Variants in ABTB2 observed in about 807,000 individuals in gnomAD.
The protein encoded by ABTB2 is ankyrin repeat and BTB domain containing 2, also known as ankyrin repeat and BTB/POZ domain-containing protein 2.
In ABTB2, 56 loss-of-function variants were observed where a neutral mutation model predicts 104.1. The ratio of observed to expected loss-of-function variants is 0.54; its 90% CI spans 0.43 to 0.67. The LOEUF (loss-of-function observed/expected upper bound fraction) is 0.67. ABTB2 is among the 30% of genes least tolerant of loss of function. The pLI is 0.00. For synonymous variants in ABTB2, 606 were observed against 608.2 expected (o/e 1.00, Z 0.05); for missense variants, 1,279 against 1,407.7 (o/e 0.91, Z 1.46).
chr11:34,225,723 C>G (rs1370107336), intron 1 of ABTB2, among the ~76,000 whole-genome samples: 1 of 151,988 alleles, frequency 6.6e-6, no homozygotes, highest in Non-Finnish European at 1.5e-5. Flanking sequence ...CCATTGCACT[C>G]TAGCCTGGGT....
intron 1 of ABTB2, among the ~76,000 whole-genome samples, chr11:34,214,532 CTTTTTTTTT>C (rs5790978): frequency 0.055 from 6,813 of 123,218 alleles, 566 homozygotes; most frequent in African/African-American, 0.18. Flanking sequence ...AAAAATACCA[CTTTTTTTTT>C]TTTTTTTTTT....
At position 34,357,265 on chromosome 11, in the gene ABTB2, C is replaced by G. The variant is rs1399405581; in HGVS notation, c.319G>C (p.Val107Leu). 4.7e-6 allele frequency: 7 copies of G among 1,496,454 alleles called. No homozygotes were observed. Among genetic ancestry groups the G allele is most frequent in the African/African-American group, 4.3e-5 (3 of 70,254 alleles). The allele number at this position is 1,496,454 out of a possible 1,614,324, so 92.7% of individuals were successfully genotyped here. The change falls in exon 1 of 17, where the codon GTG (valine) becomes CTG (leucine). Residue 107 changes from valine (V) to leucine (L), a missense_variant. Transcript: ENST00000435224. The part of the protein sequence containing the change: ...FPWTEGDVAR[V>L]LRKGAGGRRL... The stretch of plus-strand genomic sequence containing the variant: ...CGGCCGCCAGCGCCTTTGCGGAGCA[C>G]CCGGGCCACGTCTCCTTCGGTCCAG...
intron 1 of ABTB2, among the ~76,000 whole-genome samples, chr11:34,247,834 T>C (rs1259647849): frequency 6.6e-6 from 1 of 152,142 alleles, no homozygotes; most frequent in East Asian, 1.9e-4. Context: ...AACAACTCTA[T>C]GAGAAAAGTA....
At chr11:34,196,787 G>A (rs762161244) in intron 3 of ABTB2, among the ~76,000 whole-genome samples, 26 of 152,246 alleles carry the variant, frequency 1.7e-4, no homozygotes, top group Non-Finnish European at 2.8e-4. Context: ...TCAGAGAGCT[G>A]CCAGGGCCAG....
rs536923761 is a variant in ABTB2 at position 34,270,127 on chromosome 11, C to T, written c.884-65437G>A. On this transcript the variant is annotated intron_variant, in intron 1 of 16. Transcript: ENST00000435224. ...AACGATCCAAGTCAGCATGTAGTTC[C>T]CCCAATGGCTCTTTCAGAAATCCTG... is the stretch of plus-strand genomic sequence containing the variant. 2.1e-3 allele frequency among the ~76,000 whole-genome samples: 324 copies of T among 152,244 alleles called. 3 individuals carry two copies. The highest frequency in any genetic ancestry group is 2.5e-3 in the Non-Finnish European group (170 of 68,016).
At chr11:34,239,763 T>C (rs995720087) in intron 1 of ABTB2, among the ~76,000 whole-genome samples, 1 of 152,128 alleles carries the variant, frequency 6.6e-6, no homozygotes, top group South Asian at 2.1e-4. Context: ...TTGACAAGAA[T>C]CTACAGGGAA....
chr11:34,158,712 T>C (rs1852666317), intron 14 of ABTB2, among the ~76,000 whole-genome samples: 1 of 152,266 alleles, frequency 6.6e-6, no homozygotes, highest in Admixed American at 6.5e-5. Flanking sequence ...CTGGAGTTTC[T>C]AGTATGTAAC....
At chr11:34,314,815 A>G (rs1854904845) in intron 1 of ABTB2, among the ~76,000 whole-genome samples, 1 of 152,210 alleles carries the variant, frequency 6.6e-6, no homozygotes, top group South Asian at 2.1e-4. Flanking sequence ...CTGATCATTA[A>G]GCCAAGTGTG....
intron 1 of ABTB2, among the ~76,000 whole-genome samples, chr11:34,216,189 G>A (rs1194781065): frequency 6.6e-6 from 1 of 152,178 alleles, no homozygotes; most frequent in Non-Finnish European, 1.5e-5. Context: ...GTCAGCACAA[G>A]GAATCCAAAC....
In ABTB2 at chr11:34,204,573, GC is replaced by G; in HGVS notation, c.1000del (p.Ala334ProfsTer10). On this transcript the variant is annotated frameshift_variant, in exon 2 of 17. Transcript: ENST00000435224. LOFTEE classifies it high-confidence loss of function. ...CTCCGAGATGCTGCCCACGCAGGTGGCCAGGAGGGACTGCTCCAGGGTTCGG... is the reference window on the plus strand; with the variant it reads ...CTCCGAGATGCTGCCCACGCAGGTGGCAGGAGGGACTGCTCCAGGGTTCGG... The part of the protein sequence containing the change: ...ELRTLEQSLL[A>X]TCVGSISELS... The G allele has an allele frequency of 6.2e-7, 1 of 1,613,170 alleles. No homozygotes were observed. Among genetic ancestry groups the G allele is most frequent in the South Asian group, 1.1e-5 (1 of 91,048 alleles).
At chr11:34,178,780 T>C (rs1200116963) in intron 3 of ABTB2, among the ~76,000 whole-genome samples, 1 of 152,080 alleles carries the variant, frequency 6.6e-6, no homozygotes. Context: ...ACTCTATATA[T>C]ACTCTTAAAA....
chr11:34,339,380 G>T (rs184270512), intron 1 of ABTB2, among the ~76,000 whole-genome samples: 1 of 152,226 alleles, frequency 6.6e-6, no homozygotes, highest in Admixed American at 6.5e-5. Flanking sequence ...TCCTTCTGAG[G>T]CCTGAGGGGC....
At chr11:34,332,659 A>G (rs964928030) in intron 1 of ABTB2, among the ~76,000 whole-genome samples, 1 of 152,098 alleles carries the variant, frequency 6.6e-6, no homozygotes, top group African/African-American at 2.4e-5. Flanking sequence ...CCCCGAGCCC[A>G]GGGGAGTTGG....
intron 1 of ABTB2, among the ~76,000 whole-genome samples, chr11:34,270,941 T>C (rs1481893842): frequency 1.3e-5 from 2 of 152,252 alleles, no homozygotes; most frequent in East Asian, 3.8e-4. Flanking sequence ...TTTAGGCAGC[T>C]GATACCTTGT....
intron 1 of ABTB2, among the ~76,000 whole-genome samples, chr11:34,327,593 G>A (rs1855085785): frequency 6.6e-6 from 1 of 152,154 alleles, no homozygotes; most frequent in Non-Finnish European, 1.5e-5. Flanking sequence ...GTTGGAAAAA[G>A]TCATCCTCAG....
At chr11:34,273,327 A>G (rs1343031086) in intron 1 of ABTB2, among the ~76,000 whole-genome samples, 2 of 152,102 alleles carry the variant, frequency 1.3e-5, no homozygotes, top group African/African-American at 4.8e-5. Context: ...TACAATTTTG[A>G]GAGAAAACTC....
intron 1 of ABTB2, among the ~76,000 whole-genome samples, chr11:34,285,240 GT>G (rs957979435): frequency 3.3e-5 from 5 of 152,242 alleles, no homozygotes; most frequent in Admixed American, 3.3e-4. Context: ...GGGAGGGGAG[GT>G]TTCCCCGAGG....
At chr11:34,284,470 G>C (rs1049937418) in intron 1 of ABTB2, among the ~76,000 whole-genome samples, 1 of 152,214 alleles carries the variant, frequency 6.6e-6, no homozygotes, top group Non-Finnish European at 1.5e-5. Context: ...GAAAAGGCAG[G>C]CAGCACCAAA....
At position 34,164,713 on chromosome 11, in the gene ABTB2, A is replaced by C; in HGVS notation, c.1961T>G (p.Phe654Cys). 1 of 1,538,372 alleles carries C rather than the reference A, an allele frequency of 6.5e-7. No homozygotes were observed. Among genetic ancestry groups the C allele is most frequent in the Non-Finnish European group, 8.7e-7 (1 of 1,152,514 alleles). The change falls in exon 9 of 17, where the codon TTC becomes TGC. Residue 654 changes from phenylalanine to cysteine, a missense_variant. By Grantham distance (205) the Phe-to-Cys change is radical (BLOSUM62 -2). Transcript: ENST00000435224. ...GSSLHEDMNC[F>C]SHSAAHGHRN... ...GTGGCCGTGGGCAGCTGAGTGGCTG[A>C]AGCAGTTCATGTCCTCGTGGAGGGA...
Sources: allele counts gnomAD v4.1 joint callset (sites outside exome capture counted in the v4.1 genomes callset), GRCh38; gene constraint gnomAD v4.1.1; transcripts MANE v1.5; gene names NCBI Gene and HGNC (gene_info 2026-07-23, HGNC 2026-07-21).